SLC1A1: variants seen among roughly 807,000 people sequenced by gnomAD.
The protein encoded by SLC1A1 is solute carrier family 1 member 1, also known as excitatory amino acid transporter 3.
Under a neutral mutation model 53.3 loss-of-function variants are expected in SLC1A1, and 43 were observed. That is an observed-to-expected ratio of 0.81 (90% CI 0.63 to 1.04). The LOEUF (loss-of-function observed/expected upper bound fraction) is 1.04, where lower values mean the gene tolerates loss of function less well. Ranked by LOEUF, SLC1A1 falls within the 50% of genes least tolerant of loss-of-function variation. SLC1A1 has a pLI of 0.00. For synonymous variants in SLC1A1, 307 were observed against 243.2 expected (o/e 1.26, Z -2.44); for missense variants, 748 against 664.9 (o/e 1.12, Z -1.37).
At chr9:4,511,057 C>G (rs1402223316) in intron 1 of SLC1A1, among the ~76,000 whole-genome samples, 1 of 152,174 alleles carries the variant, frequency 6.6e-6, no homozygotes, top group Non-Finnish European at 1.5e-5. Flanking sequence ...TTATTGAATT[C>G]ATAGTTACAA....
intron 6 of SLC1A1, among the ~76,000 whole-genome samples, chr9:4,569,173 G>C (rs537697775): frequency 1.1e-4 from 16 of 152,286 alleles, no homozygotes; most frequent in African/African-American, 3.6e-4. Flanking sequence ...AGGTACATAA[G>C]CATGCAATGC....
At chr9:4,504,105 G>A (rs1820724197) in intron 1 of SLC1A1, among the ~76,000 whole-genome samples, 1 of 152,158 alleles carries the variant, frequency 6.6e-6, no homozygotes, top group South Asian at 2.1e-4. Flanking sequence ...GTACCCTAAG[G>A]AAGATCTGAT....
chr9:4,502,178 G>A lies in SLC1A1; in HGVS notation c.91+11408G>A, dbSNP rs953938077. ...AAGGCATACAGATGGCTTGAGCCCAGGAGTCCAAGACCAGCCTGGGCAACA... is the reference window on the plus strand; with the variant it reads ...AAGGCATACAGATGGCTTGAGCCCAAGAGTCCAAGACCAGCCTGGGCAACA... On this transcript the variant is annotated intron_variant, in intron 1 of 11. Coordinates refer to ENST00000262352, the MANE Select transcript of SLC1A1 (RefSeq NM_004170.6). Among the ~76,000 whole-genome samples, 7 of 151,346 alleles carry A rather than the reference G, an allele frequency of 4.6e-5. 1 individual carries two copies. The highest frequency in any genetic ancestry group is 1.5e-4 in the African/African-American group (6 of 40,744).
chr9:4,494,137 T>G (rs890022606), intron 1 of SLC1A1, among the ~76,000 whole-genome samples: 11 of 152,176 alleles, frequency 7.2e-5, no homozygotes, highest in Admixed American at 3.3e-4. Context: ...TTACAATTCT[T>G]ATAGGCTTAT....
At chr9:4,514,503 T>C (rs1821099952) in intron 1 of SLC1A1, among the ~76,000 whole-genome samples, 1 of 152,032 alleles carries the variant, frequency 6.6e-6, no homozygotes, top group South Asian at 2.1e-4. Flanking sequence ...TTGGAGGAGG[T>C]TGGGAAGGCT....
In SLC1A1 at chr9:4,564,318, T is replaced by C. The variant is rs201215526; in HGVS notation, c.326-26T>C. The C allele has an allele frequency of 4.0e-6, 6 of 1,516,012 alleles. No homozygotes were observed. The East Asian group carries it at 1.1e-4, about 29-fold the overall frequency. The allele number at this position is 1,516,012 out of a possible 1,614,324, so 93.9% of individuals were successfully genotyped here. On this transcript the variant is annotated intron_variant, in intron 3 of 11. Transcript: ENST00000262352. ...AGGTGCCCTGGAAGGTTCCTAATGC[T>C]CTGTGGACGCTGTTCTTGGCCACAG...
At chr9:4,494,162 G>A (rs1820330746) in intron 1 of SLC1A1, among the ~76,000 whole-genome samples, 1 of 152,132 alleles carries the variant, frequency 6.6e-6, no homozygotes, top group Non-Finnish European at 1.5e-5. Flanking sequence ...TGCTTCCATA[G>A]AATGGTAGAA....
chr9:4,517,192 C>G (rs994024734), intron 1 of SLC1A1, among the ~76,000 whole-genome samples: 3 of 152,170 alleles, frequency 2.0e-5, no homozygotes, highest in Non-Finnish European at 4.4e-5. Context: ...TCTCTCCACT[C>G]TCCACCGTCC....
chr9:4,564,751 C>T (rs571357537), intron 4 of SLC1A1, among the ~76,000 whole-genome samples: 4 of 152,182 alleles, frequency 2.6e-5, no homozygotes, highest in East Asian at 1.9e-4. Flanking sequence ...AGTTCTGAAG[C>T]GCACTTAGAA....
intron 1 of SLC1A1, among the ~76,000 whole-genome samples, chr9:4,537,872 A>G (rs1816737856): frequency 6.6e-6 from 1 of 152,194 alleles, no homozygotes; most frequent in Non-Finnish European, 1.5e-5. Flanking sequence ...ATTGTATGTT[A>G]AAAACCATGG....
intron 1 of SLC1A1, among the ~76,000 whole-genome samples, chr9:4,493,316 C>T (rs923249243): frequency 3.3e-5 from 5 of 152,172 alleles, no homozygotes; most frequent in African/African-American, 1.2e-4. Context: ...AGTACTGGGC[C>T]TGAGTGGAAA....
intron 2 of SLC1A1, among the ~76,000 whole-genome samples, chr9:4,548,089 T>C (rs1393978563): frequency 2.6e-5 from 4 of 152,238 alleles, no homozygotes; most frequent in African/African-American, 4.8e-5. Flanking sequence ...GTTTGGTTTG[T>C]ATTTTTAATG....
chr9:4,537,198 A>G (rs929994829), intron 1 of SLC1A1, among the ~76,000 whole-genome samples: 2 of 152,232 alleles, frequency 1.3e-5, no homozygotes, highest in Non-Finnish European at 2.9e-5. Context: ...AATAAAAAAA[A>G]AAGATGAAGA....
rs2129907632 is a variant in SLC1A1, at chr9:4,586,205, G to A, written c.*647G>A. 6.6e-6 allele frequency: 1 copy of A among 150,850 alleles called. No individual in the cohort carries two copies. Among genetic ancestry groups the A allele is most frequent in the East Asian group, 2.1e-4 (1 of 4,702 alleles). 9.3% of individuals were successfully genotyped at this position (150,850 alleles called of 1,614,324 possible). ...CTGGTAACTGTTAACCCAGTGTTCA[G>A]CATAGAGCTATATATATATATATAT... On this transcript the variant is annotated 3_prime_UTR_variant, in exon 12 of 12. Coordinates refer to ENST00000262352, the MANE Select transcript of SLC1A1 (RefSeq NM_004170.6).
intron 2 of SLC1A1, among the ~76,000 whole-genome samples, chr9:4,548,547 T>C (rs980343670): frequency 2.0e-5 from 3 of 152,166 alleles, no homozygotes; most frequent in Non-Finnish European, 2.9e-5. Flanking sequence ...TCTGGTGAGA[T>C]TAAAAAAATA....
chr9:4,585,388 G>C lies in SLC1A1; in HGVS notation c.1405G>C (p.Glu469Gln), dbSNP rs573498877. 4.5e-5 allele frequency: 73 copies of C among 1,614,194 alleles called. No homozygotes were observed. The East Asian group carries it at 1.5e-3, about 33-fold the overall frequency. Residue 469 changes from glutamate to glutamine, a missense_variant, in exon 12 of 12, where the codon GAG becomes CAG. Glu to Gln is a conservative substitution (Grantham distance 29, BLOSUM62 2). Transcript: ENST00000262352. ...TGIVEKLSKK[E>Q]LEQMDVSSEV... ...CATTGTGGAAAAGCTCTCCAAGAAGGAGCTGGAGCAGATGGATGTTTCATC... is the reference window on the plus strand; with the variant it reads ...CATTGTGGAAAAGCTCTCCAAGAAGCAGCTGGAGCAGATGGATGTTTCATC...
intron 1 of SLC1A1, among the ~76,000 whole-genome samples, chr9:4,522,674 G>GTT (rs1816122708): frequency 6.6e-6 from 1 of 152,186 alleles, no homozygotes; most frequent in Admixed American, 6.5e-5. Flanking sequence ...CATGGCAAAA[G>GTT]GGGAAGCAGG....
chr9:4,547,967 A>G (rs1035724674), intron 2 of SLC1A1, among the ~76,000 whole-genome samples: 1 of 152,234 alleles, frequency 6.6e-6, no homozygotes, highest in South Asian at 2.1e-4. Flanking sequence ...TTTTATTAAA[A>G]TGTATATACA....
chr9:4,571,935 T>C (rs962318431), intron 6 of SLC1A1, among the ~76,000 whole-genome samples: 3 of 152,086 alleles, frequency 2.0e-5, no homozygotes, highest in African/African-American at 7.2e-5. Context: ...TATAAACCAT[T>C]CCAGAATAAG....
Sources: allele counts gnomAD v4.1 joint callset (sites outside exome capture counted in the v4.1 genomes callset), GRCh38; gene constraint gnomAD v4.1.1; transcripts MANE v1.5; gene names NCBI Gene and HGNC (gene_info 2026-07-23, HGNC 2026-07-21).